Variants in RTL4 observed in about 807,000 individuals in gnomAD.
RTL4 encodes retrotransposon Gag like 4.
RTL4 carries 4 observed loss-of-function variants against 5.3 expected under a neutral mutation model. The observed-to-expected ratio is 0.75, with a 90% CI of 0.37 to 1.72. The LOEUF (loss-of-function observed/expected upper bound fraction) is 1.72, where lower values mean the gene tolerates loss of function less well. Among genes scored for constraint, RTL4 ranks in the 40% most tolerant of loss-of-function variants. The pLI, the probability that RTL4 is intolerant of heterozygous loss-of-function variation, is 0.04. For synonymous variants in RTL4, 98 were observed against 87.3 expected, an observed-to-expected ratio of 1.12 and a Z score of -0.68; for missense variants, 260 against 227.1, an observed-to-expected ratio of 1.14 and a Z score of -0.93.
chrX:112,326,557 A>C, the RTL4 span, among the ~76,000 whole-genome samples: 1 of 111,834 alleles, frequency 8.9e-6, no homozygotes, highest in Non-Finnish European at 1.9e-5. Context: ...ATCAAACTGC[A>C]AGGTGGCAGC....
At chrX:112,111,187 C>T in the RTL4 span, among the ~76,000 whole-genome samples, 1 of 111,345 alleles carries the variant, frequency 9.0e-6, no homozygotes, top group Admixed American at 9.5e-5. Flanking sequence ...CTTCCTCTCT[C>T]TGTCTCTCTC....
chrX:112,134,450 T>C, the RTL4 span, among the ~76,000 whole-genome samples: 7 of 112,443 alleles, frequency 6.2e-5, no homozygotes, highest in African/African-American at 2.3e-4. Flanking sequence ...CTCCTATAGA[T>C]CATTCTTACA....
chrX:112,405,297 C>T, the RTL4 span, among the ~76,000 whole-genome samples: 3 of 111,839 alleles, frequency 2.7e-5, no homozygotes, highest in Admixed American at 2.8e-4. Flanking sequence ...TTTCTGGCCA[C>T]TAATAGGCAT....
the RTL4 span, among the ~76,000 whole-genome samples, chrX:112,226,887 A>G: frequency 9.3e-6 from 1 of 107,707 alleles, no homozygotes; most frequent in African/African-American, 3.4e-5. Flanking sequence ...AGTGAGCACT[A>G]TACTCCAGCC....
the RTL4 span, among the ~76,000 whole-genome samples, chrX:112,438,778 T>TAC: frequency 8.9e-6 from 1 of 112,151 alleles, no homozygotes; most frequent in Non-Finnish European, 1.9e-5. Context: ...TTGGTTGTCA[T>TAC]ACTAATTACC....
the RTL4 span, among the ~76,000 whole-genome samples, chrX:112,407,740 C>A: frequency 7.1e-5 from 8 of 112,733 alleles, no homozygotes; most frequent in African/African-American, 2.6e-4. Context: ...CCAGCACAGT[C>A]CTAGTAGTGA....
At chrX:112,160,670 C>A in the RTL4 span, among the ~76,000 whole-genome samples, 1 of 111,169 alleles carries the variant, frequency 9.0e-6, no homozygotes, top group African/African-American at 3.3e-5. Context: ...GGCATGGAGG[C>A]AGGACTTTGC....
chrX:112,161,574 G>T, the RTL4 span, among the ~76,000 whole-genome samples: 4 of 111,175 alleles, frequency 3.6e-5, no homozygotes, highest in African/African-American at 9.8e-5. Flanking sequence ...GCAGAGAACA[G>T]CATGGGGGAG....
chrX:112,418,028 G>T, the RTL4 span, among the ~76,000 whole-genome samples: 1 of 110,772 alleles, frequency 9.0e-6, no homozygotes, highest in East Asian at 2.9e-4. Context: ...TGTGCGTGTA[G>T]TCCTAGCTAC....
the RTL4 span, among the ~76,000 whole-genome samples, chrX:112,275,553 G>A: frequency 8.9e-6 from 1 of 111,841 alleles, no homozygotes; most frequent in African/African-American, 3.3e-5. Context: ...AATTTTCTGT[G>A]TATCAATAAT....
chrX:112,402,888 G>A, the RTL4 span, among the ~76,000 whole-genome samples: 4 of 111,657 alleles, frequency 3.6e-5, no homozygotes, highest in South Asian at 3.8e-4. Context: ...TTTGTCAGCC[G>A]ACTTTCTTGG....
At chrX:112,165,060 T>A in the RTL4 span, among the ~76,000 whole-genome samples, 1 of 111,372 alleles carries the variant, frequency 9.0e-6, no homozygotes. Context: ...ACCAGGGGTG[T>A]CTCCTCCTCT....
the RTL4 span, among the ~76,000 whole-genome samples, chrX:112,301,074 A>G: frequency 9.0e-6 from 1 of 111,519 alleles, no homozygotes; most frequent in Non-Finnish European, 1.9e-5. Context: ...GAGGGGCAAT[A>G]GGATTTGCAG....
chrX:112,090,166 A>G, the RTL4 span, among the ~76,000 whole-genome samples: 2 of 110,065 alleles, frequency 1.8e-5, no homozygotes, highest in Non-Finnish European at 3.8e-5. Flanking sequence ...GACCATATAT[A>G]TATATAAGAT....
exon 1 of RTL4, chrX:112,455,325 T>C: frequency 1.7e-6 from 2 of 1,211,767 alleles, no homozygotes; most frequent in South Asian, 1.8e-5. Context: ...AGAGTGTCAC[T>C]GATATGATGG....
At chrX:112,147,044 G>A in the RTL4 span, among the ~76,000 whole-genome samples, 4 of 107,875 alleles carry the variant, frequency 3.7e-5, no homozygotes, top group Non-Finnish European at 5.7e-5. Flanking sequence ...AGTGAGGCTC[G>A]CAGATGTACA....
At chrX:112,085,520 A>G in the RTL4 span, among the ~76,000 whole-genome samples, 1 of 111,573 alleles carries the variant, frequency 9.0e-6, no homozygotes, top group African/African-American at 3.3e-5. Context: ...GGGTTTCTCA[A>G]CCTCGATGCT....
At chrX:112,212,783 C>G in the RTL4 span, among the ~76,000 whole-genome samples, 1 of 112,188 alleles carries the variant, frequency 8.9e-6, no homozygotes, top group Non-Finnish European at 1.9e-5. Context: ...TTTTGATGTC[C>G]CTCACTTAAT....
At chrX:112,104,855 C>T in the RTL4 span, among the ~76,000 whole-genome samples, 3 of 111,797 alleles carry the variant, frequency 2.7e-5, no homozygotes, top group African/African-American at 9.7e-5. Flanking sequence ...ATTGTCTCTT[C>T]ACATTGCTGT....
Sources: allele counts gnomAD v4.1 joint callset (sites outside exome capture counted in the v4.1 genomes callset), GRCh38; gene constraint gnomAD v4.1.1; transcripts MANE v1.5; gene names NCBI Gene and HGNC (gene_info 2026-07-23, HGNC 2026-07-21).